Variants in THSD7A observed in about 807,000 individuals in gnomAD.
THSD7A encodes thrombospondin type 1 domain containing 7A.
THSD7A carries 96 observed loss-of-function variants against 231.3 expected under a neutral mutation model. The ratio of observed to expected loss-of-function variants is 0.41; its 90% CI spans 0.35 to 0.49. The LOEUF (loss-of-function observed/expected upper bound fraction) is 0.49. THSD7A is among the 20% of genes least tolerant of loss of function. THSD7A has a pLI of 0.05. For synonymous variants in THSD7A, 940 were observed against 743.3 expected (o/e 1.26, Z -4.30); for missense variants, 2,290 against 2,070.2 (o/e 1.11, Z -2.06).
At chr7:11,571,831 A>C (rs761428890) in intron 4 of THSD7A, among the ~76,000 whole-genome samples, 1 of 150,724 alleles carries the variant, frequency 6.6e-6, no homozygotes, top group Non-Finnish European at 1.5e-5. Context: ...CTGCTTTAAA[A>C]TTTTCTCTTT....
chr7:11,795,236 C>A (rs1784087778), intron 1 of THSD7A, among the ~76,000 whole-genome samples: 1 of 151,912 alleles, frequency 6.6e-6, no homozygotes. Context: ...TACACATATA[C>A]AAACATGTGT....
chr7:11,656,067 T>C, intron 1 of THSD7A, among the ~76,000 whole-genome samples: 1 of 151,896 alleles, frequency 6.6e-6, no homozygotes, highest in Non-Finnish European at 1.5e-5. Flanking sequence ...TATTCAGTTA[T>C]CACACCCACA....
At chr7:11,785,217 A>T (rs936104484) in intron 1 of THSD7A, among the ~76,000 whole-genome samples, 8 of 151,996 alleles carry the variant, frequency 5.3e-5, no homozygotes, top group African/African-American at 1.9e-4. Flanking sequence ...TAGTTATTTA[A>T]TTAATTAATT....
intron 4 of THSD7A, among the ~76,000 whole-genome samples, chr7:11,548,924 T>C (rs1789512019): frequency 6.6e-6 from 1 of 151,518 alleles, no homozygotes; most frequent in African/African-American, 2.4e-5. Context: ...GTATTCACCT[T>C]GAGAACTGGA....
intron 6 of THSD7A, among the ~76,000 whole-genome samples, chr7:11,485,896 G>C (rs938380803): frequency 6.6e-6 from 1 of 152,212 alleles, no homozygotes; most frequent in African/African-American, 2.4e-5. Flanking sequence ...AACAGCAACT[G>C]ATCTATGAGA....
At chr7:11,467,958 C>A (rs1485339583) in intron 9 of THSD7A, among the ~76,000 whole-genome samples, 2 of 151,842 alleles carry the variant, frequency 1.3e-5, no homozygotes, top group East Asian at 3.9e-4. Flanking sequence ...ACTCTGGAAT[C>A]AATTTAATAA....
At chr7:11,768,044 T>C (rs1261736972) in intron 1 of THSD7A, among the ~76,000 whole-genome samples, 1 of 152,136 alleles carries the variant, frequency 6.6e-6, no homozygotes, top group Non-Finnish European at 1.5e-5. Flanking sequence ...AATAAAAGGA[T>C]TTAGAATAAA....
chr7:11,723,336 G>C (rs1266599301), intron 1 of THSD7A, among the ~76,000 whole-genome samples: 1 of 133,666 alleles, frequency 7.5e-6, no homozygotes, highest in Non-Finnish European at 1.6e-5. Context: ...GGGGTAGGGG[G>C]AGGGGGGAGG....
intron 6 of THSD7A, among the ~76,000 whole-genome samples, chr7:11,528,056 A>G (rs932238726): frequency 3.9e-5 from 6 of 152,182 alleles, no homozygotes; most frequent in African/African-American, 1.4e-4. Context: ...TGTCCCAGCT[A>G]CTTGGAAGGC....
chr7:11,493,523 A>G (rs1257070097), intron 6 of THSD7A, among the ~76,000 whole-genome samples: 1 of 151,796 alleles, frequency 6.6e-6, no homozygotes, highest in African/African-American at 2.4e-5. Context: ...CTGATGCATT[A>G]GTATGTGGGA....
At chr7:11,611,092 C>G (rs960397515) in intron 2 of THSD7A, among the ~76,000 whole-genome samples, 2 of 152,094 alleles carry the variant, frequency 1.3e-5, no homozygotes, top group Admixed American at 6.5e-5. Context: ...GTTAAGGGAC[C>G]TTGCTTCAAC....
intron 1 of THSD7A, among the ~76,000 whole-genome samples, chr7:11,788,764 A>T (rs564197360): frequency 6.6e-6 from 1 of 151,986 alleles, no homozygotes; most frequent in Non-Finnish European, 1.5e-5. Context: ...CGATTTTATT[A>T]TCTGTAAAAT....
At chr7:11,727,611 T>C (rs1781592290) in intron 1 of THSD7A, among the ~76,000 whole-genome samples, 1 of 152,012 alleles carries the variant, frequency 6.6e-6, no homozygotes, top group South Asian at 2.1e-4. Context: ...TGTGAAATAC[T>C]ATATAAGAGT....
intron 6 of THSD7A, among the ~76,000 whole-genome samples, chr7:11,495,288 A>G (rs1787053418): frequency 6.6e-6 from 1 of 152,084 alleles, no homozygotes; most frequent in Non-Finnish European, 1.5e-5. Context: ...TATTTTTATA[A>G]TATGTGGCTC....
intron 13 of THSD7A, among the ~76,000 whole-genome samples, chr7:11,439,422 C>T (rs1784734083): frequency 6.6e-6 from 1 of 151,886 alleles, no homozygotes; most frequent in Non-Finnish European, 1.5e-5. Context: ...TTTGGTAATT[C>T]TTGCAATATT....
intron 13 of THSD7A, among the ~76,000 whole-genome samples, chr7:11,440,995 CTTATT>C (rs1401138394): frequency 1.3e-5 from 2 of 151,978 alleles, no homozygotes; most frequent in African/African-American, 2.4e-5. Flanking sequence ...TCATTACTGT[CTTATT>C]TTAAGAAATT....
chr7:11,415,666 T>G (rs1783934706), intron 17 of THSD7A, among the ~76,000 whole-genome samples: 1 of 152,234 alleles, frequency 6.6e-6, no homozygotes, highest in Non-Finnish European at 1.5e-5. Flanking sequence ...TATAACTATT[T>G]GCCTTAATGC....
At chr7:11,514,944 A>G (rs576074296) in intron 6 of THSD7A, among the ~76,000 whole-genome samples, 1 of 152,258 alleles carries the variant, frequency 6.6e-6, no homozygotes, top group Admixed American at 6.5e-5. Context: ...CTCCATTTCT[A>G]ACCTAAGAAG....
intron 1 of THSD7A, among the ~76,000 whole-genome samples, chr7:11,725,753 T>A (rs551284287): frequency 4.6e-4 from 70 of 152,116 alleles, no homozygotes; most frequent in African/African-American, 1.7e-3. Context: ...TACGCAGTTG[T>A]GTAAATGTGG....
Sources: allele counts gnomAD v4.1 joint callset (sites outside exome capture counted in the v4.1 genomes callset), GRCh38; gene constraint gnomAD v4.1.1; transcripts MANE v1.5; gene names NCBI Gene and HGNC (gene_info 2026-07-23, HGNC 2026-07-21).